Variants in CREB5 observed in about 807,000 individuals in gnomAD.
The protein encoded by CREB5 is cAMP responsive element binding protein 5.
A neutral mutation model predicts 57.1 loss-of-function variants in CREB5; 19 were observed. That is an observed-to-expected ratio of 0.33 (90% CI 0.23 to 0.49). The LOEUF (loss-of-function observed/expected upper bound fraction) is 0.49. Ranked by LOEUF, CREB5 falls within the 20% of genes least tolerant of loss-of-function variation. The pLI is 0.99. For synonymous variants in CREB5, 238 were observed against 238.3 expected (o/e 1.00, Z 0.01); for missense variants, 579 against 671.6 (o/e 0.86, Z 1.52).
intron 5 of CREB5, among the ~76,000 whole-genome samples, chr7:28,660,265 T>G (rs1194905722): frequency 6.6e-6 from 1 of 152,296 alleles, no homozygotes; most frequent in African/African-American, 2.4e-5. Context: ...TCAAATGTCT[T>G]ATCAGCACCA....
intron 3 of CREB5, among the ~76,000 whole-genome samples, chr7:28,505,480 G>T (rs1320555186): frequency 1.3e-5 from 2 of 152,166 alleles, no homozygotes; most frequent in African/African-American, 4.8e-5. Flanking sequence ...TACAACTTTA[G>T]AAATTTTTTT....
intron 5 of CREB5, among the ~76,000 whole-genome samples, chr7:28,683,885 C>A (rs113291293): frequency 3.9e-5 from 6 of 152,112 alleles, no homozygotes; most frequent in Non-Finnish European, 8.8e-5. Context: ...AGAACATTTT[C>A]CCATTGAGCT....
chr7:28,494,328 T>G (rs4722805), intron 2 of CREB5, among the ~76,000 whole-genome samples: 71,281 of 152,064 alleles, frequency 0.47, 17,457 homozygotes, highest in South Asian at 0.59. Context: ...AACACTTATT[T>G]TTTGTAAAAT....
At chr7:28,339,058 A>C (rs1162978066) in intron 1 of CREB5, among the ~76,000 whole-genome samples, 1 of 152,062 alleles carries the variant, frequency 6.6e-6, no homozygotes, top group Non-Finnish European at 1.5e-5. Flanking sequence ...TTTCCTCAAA[A>C]CAGTTATTTT....
At chr7:28,611,764 A>C (rs1797398560) in intron 5 of CREB5, among the ~76,000 whole-genome samples, 1 of 151,744 alleles carries the variant, frequency 6.6e-6, no homozygotes, top group Non-Finnish European at 1.5e-5. Flanking sequence ...GGTTAACTAC[A>C]AATGGGGAAA....
chr7:28,752,402 A>G (rs1254554348), intron 7 of CREB5, among the ~76,000 whole-genome samples: 3 of 152,160 alleles, frequency 2.0e-5, no homozygotes, highest in African/African-American at 7.2e-5. Flanking sequence ...CCTGACCTCA[A>G]GTGGCCCACC....
At chr7:28,389,826 T>G (rs980647663) in intron 1 of CREB5, among the ~76,000 whole-genome samples, 5 of 152,076 alleles carry the variant, frequency 3.3e-5, no homozygotes, top group African/African-American at 1.2e-4. Flanking sequence ...CCCCTCCCCC[T>G]TGTATTATTT....
At chr7:28,401,421 T>A (rs1476750494) in intron 1 of CREB5, among the ~76,000 whole-genome samples, 2 of 152,076 alleles carry the variant, frequency 1.3e-5, no homozygotes, top group Non-Finnish European at 2.9e-5. Context: ...TTTAATTTTT[T>A]ATTTTTTTAT....
At chr7:28,491,717 A>G (rs1791816145) in intron 2 of CREB5, among the ~76,000 whole-genome samples, 1 of 152,220 alleles carries the variant, frequency 6.6e-6, no homozygotes. Flanking sequence ...AAAATGTAGC[A>G]GTCACCCAGC....
chr7:28,709,221 C>G (rs1413217055), intron 5 of CREB5, among the ~76,000 whole-genome samples: 1 of 152,142 alleles, frequency 6.6e-6, no homozygotes, highest in Non-Finnish European at 1.5e-5. Flanking sequence ...GTCTGTAAGT[C>G]TGACCTATGG....
chr7:28,582,076 T>A (rs1166851434), intron 5 of CREB5, among the ~76,000 whole-genome samples: 1 of 152,182 alleles, frequency 6.6e-6, no homozygotes, highest in African/African-American at 2.4e-5. Flanking sequence ...TCCTGGATAT[T>A]TATATAGAAA....
chr7:28,542,795 A>G (rs1364739265), intron 4 of CREB5, among the ~76,000 whole-genome samples: 1 of 152,102 alleles, frequency 6.6e-6, no homozygotes, highest in Admixed American at 6.5e-5. Flanking sequence ...TCACCATAAC[A>G]CCAAGATGGA....
At chr7:28,609,152 A>G (rs1396348266) in intron 5 of CREB5, 10 of 152,228 alleles carry the variant, frequency 6.6e-5, no homozygotes, top group Non-Finnish European at 1.5e-4. Flanking sequence ...GTGGTAAGCA[A>G]CAATAATTTG....
At chr7:28,671,917 G>C (rs891622620) in intron 5 of CREB5, among the ~76,000 whole-genome samples, 1 of 152,058 alleles carries the variant, frequency 6.6e-6, no homozygotes, top group Non-Finnish European at 1.5e-5. Flanking sequence ...TTTCTGGTTA[G>C]CTCTTATTTT....
At chr7:28,410,367 C>G, upstream of CREB5, 1 of 456,720 alleles carries the variant, frequency 2.2e-6, no homozygotes, top group Non-Finnish European at 4.4e-6. Flanking sequence ...CCAGGCAATT[C>G]CCAAGACCTG....
intron 1 of CREB5, among the ~76,000 whole-genome samples, chr7:28,329,560 A>C (rs1336115936): frequency 6.6e-6 from 1 of 152,252 alleles, no homozygotes; most frequent in Non-Finnish European, 1.5e-5. Context: ...GACTTGTTTA[A>C]ACTTTTCAAC....
chr7:28,367,532 G>A (rs1398702036), intron 1 of CREB5, among the ~76,000 whole-genome samples: 2 of 152,142 alleles, frequency 1.3e-5, no homozygotes, highest in South Asian at 2.1e-4. Flanking sequence ...AGCCTAGGCC[G>A]GGCACGGTAG....
intron 5 of CREB5, among the ~76,000 whole-genome samples, chr7:28,695,977 T>A (rs1211466353): frequency 6.6e-6 from 1 of 152,258 alleles, no homozygotes; most frequent in Non-Finnish European, 1.5e-5. Flanking sequence ...CATAGTTGTT[T>A]TAATGACTTT....
intron 5 of CREB5, among the ~76,000 whole-genome samples, chr7:28,638,611 T>G (rs1465913160): frequency 6.6e-6 from 1 of 152,134 alleles, no homozygotes; most frequent in East Asian, 1.9e-4. Flanking sequence ...CCTCCCAAAG[T>G]ACTAGGACTG....
Sources: allele counts gnomAD v4.1 joint callset (sites outside exome capture counted in the v4.1 genomes callset), GRCh38; gene constraint gnomAD v4.1.1; transcripts MANE v1.5; gene names NCBI Gene and HGNC (gene_info 2026-07-23, HGNC 2026-07-21).